ITGB2: variants seen among roughly 807,000 people sequenced by gnomAD.
ITGB2 encodes the protein integrin beta-2.
Under a neutral mutation model 86.8 loss-of-function variants are expected in ITGB2, and 56 were observed. The ratio of observed to expected loss-of-function variants is 0.65; its 90% CI spans 0.52 to 0.81. The LOEUF (loss-of-function observed/expected upper bound fraction) is 0.81. ITGB2 is among the 30% of genes least tolerant of loss of function. ITGB2 has a pLI of 0.00. For missense variants in ITGB2, 948 were observed against 1,061.2 expected (o/e 0.89, Z 1.48); for synonymous variants, 457 against 450.4 (o/e 1.01, Z -0.19).
rs138703739 is a variant in ITGB2, at chr21:44,891,901, C to G, written c.1320G>C (p.Gln440His). 109 of 1,613,268 alleles carry G rather than the reference C, an allele frequency of 6.8e-5. No individual in the cohort carries two copies. In the East Asian group the frequency reaches 2.3e-3, roughly 34 times the overall value. ...ACCGGCACTCACACTGGGGAAGAAC[C>G]TGCACGGTCACTATGTCCGTGAAGC... ...ALGFTDIVTV[Q>H]VLPQCECRCR... Residue 440 changes from glutamine to histidine, a missense_variant, in exon 11 of 16, where the codon CAG (glutamine) becomes CAC (histidine). Transcript: ENST00000652462.
At position 44,891,701 on chromosome 21, in the gene ITGB2, G is replaced by A. The variant is rs111730801; in HGVS notation, c.1412+108C>T. On this transcript the variant is annotated intron_variant, in intron 11 of 15. Transcript: ENST00000652462. ...AGGGGGCCCCCAGGATGCCTGCTCC[G>A]TGGGGTGGGGGAAGGGATGGAGCCA... is the stretch of plus-strand genomic sequence containing the variant. 2.9e-3 allele frequency: 3,704 copies of A among 1,288,138 alleles called. 86 individuals are homozygous for A. The African/African-American group carries it at 0.047, about 16-fold the overall frequency. 79.8% of individuals were successfully genotyped at this position (1,288,138 alleles called of 1,614,324 possible).
At chr21:44,889,673 G>A (rs780149360) in intron 12 of ITGB2, among the ~76,000 whole-genome samples, 178 bp from the exon 13 acceptor site, 12 of 152,296 alleles carry the variant, frequency 7.9e-5, no homozygotes, top group South Asian at 2.1e-4. Flanking sequence ...CCACGTGGCC[G>A]CCTCCTGGCC....
chr21:44,892,440 C>A (rs1601288367), intron 10 of ITGB2, among the ~76,000 whole-genome samples: 1 of 151,982 alleles, frequency 6.6e-6, no homozygotes, highest in African/African-American at 2.4e-5. Context: ...GCCAACATGG[C>A]GAAACTCTGT....
At position 44,887,657 on chromosome 21, in the gene ITGB2, C is replaced by T. The variant is rs943397231; in HGVS notation, c.2081-755G>A. ...CCCCGTGCCCCCTCCTGCCATCCTGCCTTTCCTGGGGGACCTGCCTTCCTT... is the reference window on the plus strand; with the variant it reads ...CCCCGTGCCCCCTCCTGCCATCCTGTCTTTCCTGGGGGACCTGCCTTCCTT... On this transcript the variant is annotated intron_variant, in intron 14 of 15. Transcript: ENST00000652462. Among the ~76,000 whole-genome samples, 4 of 152,184 alleles carry T rather than the reference C, an allele frequency of 2.6e-5. No homozygotes were observed. The South Asian group carries it at 6.2e-4, about 24-fold the overall frequency.
At position 44,895,096 on chromosome 21, in the gene ITGB2, G is replaced by C. The variant is rs779432115; in HGVS notation, c.994-36C>G. 22 of 1,484,214 alleles carry C rather than the reference G, an allele frequency of 1.5e-5. No individual in the cohort carries two copies. The South Asian group carries it at 1.9e-4, about 13-fold the overall frequency. 91.9% of individuals were successfully genotyped at this position (1,484,214 alleles called of 1,614,324 possible). On this transcript the variant is annotated intron_variant, in intron 8 of 15. Transcript: ENST00000652462. ...AGAAGACCAGACATGGCACGGCTAG[G>C]ACCTGTGCCACGGCATCTCCACGCA...
Position 44,900,398 on chromosome 21 carries a change from C to A in ITGB2, c.819G>T (p.Gly273=), listed in dbSNP as rs2230528. 2 of 1,613,928 alleles carry A rather than the reference C, an allele frequency of 1.2e-6. No homozygotes were observed. Among genetic ancestry groups the A allele is most frequent in the Non-Finnish European group, 1.7e-6 (2 of 1,179,886 alleles). ...TDDGFHFAGD[G]KLGAILTPND... Reference sequence around the variant, plus strand: ...TGGGGGTCAGGATGGCGCCCAGCTTCCCGTCGCCCGCGAAATGGAAGCCGT... The same window carrying A: ...TGGGGGTCAGGATGGCGCCCAGCTTACCGTCGCCCGCGAAATGGAAGCCGT... Residue 273 remains glycine, a synonymous_variant, in exon 7 of 16, where the codon GGG becomes GGT. Transcript: ENST00000652462.
intron 7 of ITGB2, 52 bp downstream of exon 7, chr21:44,900,268 C>T (rs368314285): frequency 4.0e-5 from 65 of 1,610,374 alleles, no homozygotes; most frequent in Middle Eastern, 1.7e-4. Flanking sequence ...TTGTCTCCTC[C>T]GTCAGTGGTG....
Position 44,886,274 on chromosome 21 carries a change from G to T in ITGB2, c.*94C>A. On this transcript the variant is annotated 3_prime_UTR_variant, in exon 16 of 16. Transcript: ENST00000652462. ...AAAATAACTGGATTTCTGGTTAATT[G>T]GTGACATCCTCAAGAGCTGTGGCAA... 4 of 1,148,696 alleles carry T rather than the reference G, an allele frequency of 3.5e-6. No individual in the cohort carries two copies. The highest frequency in any genetic ancestry group is 1.2e-5 in the South Asian group (1 of 81,726). 71.2% of individuals were successfully genotyped at this position (1,148,696 alleles called of 1,614,324 possible). A position where few individuals can be genotyped will look rare whatever the true frequency, so the allele number is the denominator to read the frequency against.
intron 4 of ITGB2, among the ~76,000 whole-genome samples, chr21:44,905,783 G>A (rs1173169828): frequency 2.0e-5 from 3 of 152,100 alleles, no homozygotes; most frequent in African/African-American, 4.8e-5. Context: ...CCAATGGCTC[G>A]GCCCCATCCC....
At chr21:44,892,146 A>C in intron 10 of ITGB2, 150 bp from the exon 11 acceptor site, 1 of 799,608 alleles carries the variant, frequency 1.3e-6, no homozygotes, top group African/African-American at 1.7e-5. Context: ...GCTGATGCTC[A>C]GATCCGAGAG....
intron 3 of ITGB2, 23 bp from the exon 4 acceptor site, chr21:44,907,118 C>A: frequency 6.4e-7 from 1 of 1,564,550 alleles, no homozygotes; most frequent in South Asian, 1.2e-5. Flanking sequence ...AGTCAGGGGT[C>A]AGGAGGGGGC....
Position 44,903,510 on chromosome 21 carries a change from G to A in ITGB2, c.354C>T (p.Thr118=). 6.2e-7 allele frequency: 1 copy of A among 1,614,100 alleles called. No homozygotes were observed. Among genetic ancestry groups the A allele is most frequent in the Non-Finnish European group, 8.5e-7 (1 of 1,179,984 alleles). The part of the protein sequence containing the change: ...RPGQAAAFNV[T]FRRAKGYPID... ...TGGGGTAGCCCTTGGCCCGCCGGAA[G>A]GTCACGTTGAACGCTGCTGCCTGGC... is the stretch of plus-strand genomic sequence containing the variant. Residue 118 remains threonine (T), a synonymous_variant, in exon 5 of 16, where the codon ACC becomes ACT. Transcript: ENST00000652462.
chr21:44,893,689 G>T, intron 9 of ITGB2, 145 bp from the exon 10 acceptor site: 1 of 1,116,036 alleles, frequency 9.0e-7, no homozygotes, highest in Non-Finnish European at 1.3e-6. Flanking sequence ...AGCACAGCAG[G>T]ATGTGCTGAG....
chr21:44,924,949 G>T (rs560325294), upstream of ITGB2, among the ~76,000 whole-genome samples: 6 of 152,278 alleles, frequency 3.9e-5, no homozygotes, highest in East Asian at 3.9e-4. Flanking sequence ...GACAGAGAAG[G>T]CTACGGGCCT....
At chr21:44,899,013 T>A in intron 8 of ITGB2, 54 bp downstream of exon 8, 1 of 1,413,260 alleles carries the variant, frequency 7.1e-7, no homozygotes, top group Non-Finnish European at 1.0e-6. Flanking sequence ...GGGTCTGGCC[T>A]GTGGCTGAAA....
At position 44,899,074 on chromosome 21, in the gene ITGB2, G is replaced by A. The variant is rs2083909611; in HGVS notation, c.986C>T (p.Thr329Ile). ...GGACCCAACAGCACTCACCTCGTAGGTCTTCACCATCCTACTGGTCACCGC... is the reference window on the plus strand; with the variant it reads ...GGACCCAACAGCACTCACCTCGTAGATCTTCACCATCCTACTGGTCACCGC... ...IFAVTSRMVK[T>I]YEKLTEIIPK... is the part of the protein sequence containing the mutation. The change falls in exon 8 of 16, where the codon ACC (threonine) becomes ATC (isoleucine). Residue 329 changes from threonine (T) to isoleucine (I), a missense_variant. Physicochemically the swap from Thr to Ile is moderately conservative, Grantham distance 89. Coordinates refer to ENST00000652462, the MANE Select transcript of ITGB2 (RefSeq NM_000211.5). 1.9e-6 allele frequency: 3 copies of A among 1,613,310 alleles called. No individual in the cohort carries two copies. Among genetic ancestry groups the A allele is most frequent in the Non-Finnish European group, 2.5e-6 (3 of 1,179,216 alleles).
rs2083751658 is a variant in ITGB2 at position 44,889,389 on chromosome 21, A to G, written c.1764T>C (p.Val588=). The G allele has an allele frequency of 3.1e-6, 5 of 1,612,394 alleles. No individual in the cohort carries two copies. The highest frequency in any genetic ancestry group is 1.3e-5 in the African/African-American group (1 of 74,948). ...TTEGCLNPRR[V]ECSGRGRCRC... ...GGCACCGGCCACGACCACTACACTC[A>G]ACACGCCGCGGGTTCAGGCAGCCCT... is the stretch of plus-strand genomic sequence containing the variant. The change falls in exon 13 of 16, where the codon GTT becomes GTC. Residue 588 remains valine, a synonymous_variant. Coordinates refer to ENST00000652462, the MANE Select transcript of ITGB2 (RefSeq NM_000211.5).
At chr21:44,917,342 T>C (rs1165049668) in intron 1 of ITGB2, among the ~76,000 whole-genome samples, 1 of 152,220 alleles carries the variant, frequency 6.6e-6, no homozygotes, top group Admixed American at 6.5e-5. Flanking sequence ...CAAAATATTC[T>C]GCATTTCTCT....
chr21:44,926,191 C>T (rs893493392), intron 1 of ITGB2, among the ~76,000 whole-genome samples: 10 of 149,736 alleles, frequency 6.7e-5, no homozygotes, highest in Middle Eastern at 3.4e-3. Flanking sequence ...GGCTAGGGAC[C>T]GTGGGGCTTC....
Sources: gnomAD v4.1 joint callset for allele counts (sites outside exome capture counted in the v4.1 genomes callset) on GRCh38, gnomAD v4.1.1 for gene constraint, MANE v1.5 for transcripts, NCBI Gene and HGNC (gene_info 2026-07-23, HGNC 2026-07-21) for gene names.